CAND1: variants seen among roughly 807,000 people sequenced by gnomAD.
CAND1 encodes cullin-associated NEDD8-dissociated protein 1.
In CAND1, 7 loss-of-function variants were observed where a neutral mutation model predicts 108.5. The ratio of observed to expected loss-of-function variants is 0.06; its 90% CI spans 0.04 to 0.12. CAND1 has a LOEUF of 0.12. CAND1 is among the 10% of genes least tolerant of loss of function. CAND1 has a pLI of 1.00. For missense variants in CAND1, 941 were observed against 1,448.7 expected (o/e 0.65, Z 5.69); for synonymous variants, 534 against 512.0 (o/e 1.04, Z -0.58).
chr12:67,295,726 T>G (rs1483256846), intron 4 of CAND1, among the ~76,000 whole-genome samples: 2 of 152,150 alleles, frequency 1.3e-5, no homozygotes, highest in Non-Finnish European at 2.9e-5. Flanking sequence ...TTGTGTGTGT[T>G]TTTTGTGGCA....
intron 2 of CAND1, among the ~76,000 whole-genome samples, chr12:67,285,695 A>G (rs1164954489): frequency 1.3e-5 from 2 of 152,208 alleles, no homozygotes; most frequent in African/African-American, 2.4e-5. Context: ...TTATCATACA[A>G]CATCTCCAAT....
Position 67,311,681 on chromosome 12 carries a change from T to G in CAND1, c.3361-12T>G, listed in dbSNP as rs755540035. 3 of 1,505,308 alleles carry G rather than the reference T, an allele frequency of 2.0e-6. No homozygotes were observed. In the South Asian group the frequency reaches 3.4e-5, roughly 17 times the overall value. The allele number at this position is 1,505,308 out of a possible 1,614,324, so 93.2% of individuals were successfully genotyped here. The stretch of plus-strand genomic sequence containing the variant: ...TGTCAAATCTAAATTCTGTCTTTTT[T>G]ATTCCTAATAGATGCTGACATTTTT... On this transcript the variant is annotated splice_polypyrimidine_tract_variant and intron_variant, in intron 13 of 14. Coordinates refer to ENST00000545606, the MANE Select transcript of CAND1 (RefSeq NM_018448.5).
rs1482310957 is a variant in CAND1 at position 67,319,328 on chromosome 12, T to G, written c.*6498T>G. The G allele has an allele frequency of 6.6e-6, 1 of 152,214 alleles. No homozygotes were observed. Among genetic ancestry groups the G allele is most frequent in the Non-Finnish European group, 1.5e-5 (1 of 68,016 alleles). The allele number at this position is 152,214 out of a possible 1,614,324, so 9.4% of individuals were successfully genotyped here. ...TTCTGACAACTATAAAATATTTCCC[T>G]TGCCTTCTCAAGTTTGCTCAAGGTC... is the stretch of plus-strand genomic sequence containing the variant. On this transcript the variant is annotated 3_prime_UTR_variant, in exon 15 of 15. Transcript: ENST00000545606.
At position 67,305,135 on chromosome 12, in the gene CAND1, C is replaced by T. The variant is rs2044865908; in HGVS notation, c.1467C>T (p.Ser489=). 1.9e-6 allele frequency: 3 copies of T among 1,610,920 alleles called. No homozygotes were observed. In the East Asian group the frequency reaches 6.7e-5, roughly 36 times the overall value. ...GIIFSLNDKS[S]SSNLKIDALS... The stretch of plus-strand genomic sequence containing the variant: ...TTTTCTCACTGAATGATAAATCAAG[C>T]TCATCGAATTTGAAGATCGATGCTT... Residue 489 remains serine, a synonymous_variant, in exon 10 of 15, where the codon AGC becomes AGT. Transcript: ENST00000545606. The surrounding 1 kb of genome is among the most constrained non-coding windows in gnomAD (Gnocchi z 4.4).
intron 1 of CAND1, among the ~76,000 whole-genome samples, chr12:67,281,564 T>C (rs571324193): frequency 1.3e-5 from 2 of 152,284 alleles, no homozygotes; most frequent in Admixed American, 1.3e-4. Flanking sequence ...AGTGATGCAA[T>C]TAATTAGAAT....
At chr12:67,302,234 T>C in intron 7 of CAND1, 89 bp from the exon 8 acceptor site, 2 of 1,205,206 alleles carry the variant, frequency 1.7e-6, no homozygotes, top group South Asian at 1.5e-5. Context: ...GATTAACTGA[T>C]TTGGTTAAGA....
intron 13 of CAND1, chr12:67,311,193 C>G (rs972632649): frequency 1.3e-5 from 2 of 151,394 alleles, no homozygotes; most frequent in African/African-American, 4.9e-5. Flanking sequence ...AAAGGATGTG[C>G]TTGTTTAATT....
At chr12:67,270,138 C>G (rs2044505521) in intron 1 of CAND1, 1 of 218,274 alleles carries the variant, frequency 4.6e-6, no homozygotes, top group Non-Finnish European at 9.0e-6. Context: ...GGGAGTTGCT[C>G]TAGGCCGGGA....
chr12:67,297,809 A>T lies in CAND1; in HGVS notation c.810A>T (p.Glu270Asp). The change falls in exon 6 of 15, where the codon GAA becomes GAT. Residue 270 changes from glutamate (E) to aspartate (D), a missense_variant. Glu to Asp is a conservative substitution (Grantham distance 45). This residue lies in a region of CAND1 where 697 missense variants were observed against 942.0 expected (regional missense o/e 0.74). Coordinates refer to ENST00000545606, the MANE Select transcript of CAND1 (RefSeq NM_018448.5). ...VVKFCNVDDD[E>D]LREYCIQAFE... Reference sequence around the variant, plus strand: ...AATTTTGCAATGTAGATGATGATGAATTAAGAGAGTACTGTATTCAAGCCT... The same window carrying T: ...AATTTTGCAATGTAGATGATGATGATTTAAGAGAGTACTGTATTCAAGCCT... 1 of 1,607,470 alleles carries T rather than the reference A, an allele frequency of 6.2e-7. No homozygotes were observed. The highest frequency in any genetic ancestry group is 8.5e-7 in the Non-Finnish European group (1 of 1,174,834).
chr12:67,306,676 A>T, intron 10 of CAND1, 79 bp downstream of exon 10: 1 of 1,089,044 alleles, frequency 9.2e-7, no homozygotes, highest in Non-Finnish European at 1.3e-6. Context: ...TAAAGAAGTT[A>T]AGCCATGTCT....
chr12:67,290,924 T>A (rs1288035239), intron 2 of CAND1, among the ~76,000 whole-genome samples: 3 of 152,142 alleles, frequency 2.0e-5, no homozygotes, highest in Non-Finnish European at 2.9e-5. Flanking sequence ...AACCCTATTG[T>A]AAACTGTGTG....
intron 8 of CAND1, among the ~76,000 whole-genome samples, chr12:67,302,990 A>G (rs1209249700): frequency 6.6e-6 from 1 of 152,134 alleles, no homozygotes; most frequent in African/African-American, 2.4e-5. Context: ...CACTTTTCTT[A>G]TTTGTAATAA....
intron 1 of CAND1, among the ~76,000 whole-genome samples, chr12:67,275,599 A>AGTG (rs1430265520): frequency 2.6e-5 from 4 of 152,138 alleles, no homozygotes; most frequent in Non-Finnish European, 5.9e-5. Flanking sequence ...GTGAAATAGC[A>AGTG]GTGGTGTATG....
intron 10 of CAND1, 103 bp from the exon 11 acceptor site, chr12:67,307,294 T>C: frequency 1.3e-6 from 1 of 769,998 alleles, no homozygotes. Flanking sequence ...AGGAGAATTC[T>C]AAGGCATTGA....
intron 1 of CAND1, among the ~76,000 whole-genome samples, chr12:67,276,551 C>T (rs1178231733): frequency 6.6e-6 from 1 of 152,076 alleles, no homozygotes; most frequent in Non-Finnish European, 1.5e-5. Flanking sequence ...TATGATTCGG[C>T]CTCTTAATAA....
chr12:67,291,568 A>C (rs937418512), intron 2 of CAND1, among the ~76,000 whole-genome samples: 7 of 152,228 alleles, frequency 4.6e-5, no homozygotes, highest in East Asian at 3.8e-4. Flanking sequence ...GATGGAACCC[A>C]AGTCTAAACA....
intron 7 of CAND1, among the ~76,000 whole-genome samples, chr12:67,301,691 A>C (rs188467974): frequency 2.6e-5 from 4 of 152,308 alleles, no homozygotes; most frequent in African/African-American, 9.6e-5. Context: ...GGTTTTGTTA[A>C]AGTACATTAA....
chr12:67,282,388 T>G (rs977205976), intron 2 of CAND1, among the ~76,000 whole-genome samples: 6 of 152,110 alleles, frequency 3.9e-5, no homozygotes, highest in Non-Finnish European at 7.4e-5. Context: ...TGTATTCCAG[T>G]GGGGATGAAA....
intron 14 of CAND1, 67 bp from the exon 15 acceptor site, chr12:67,312,539 G>A: frequency 1.0e-6 from 1 of 997,482 alleles, no homozygotes; most frequent in Non-Finnish European, 1.5e-6. Flanking sequence ...GATCTTATGT[G>A]CTTAAATTTT....
Sources: allele counts gnomAD v4.1 joint callset (sites outside exome capture counted in the v4.1 genomes callset), GRCh38; gene constraint gnomAD v4.1.1; regional missense constraint gnomAD v4.1.1; non-coding constraint Gnocchi (gnomAD v3.1); transcripts MANE v1.5; gene names NCBI Gene and HGNC (gene_info 2026-07-23, HGNC 2026-07-21).